Variants in CTNNA3 observed in about 807,000 individuals in gnomAD.
The protein encoded by CTNNA3 is catenin alpha 3.
A neutral mutation model predicts 95.7 loss-of-function variants in CTNNA3; 76 were observed. The observed-to-expected ratio is 0.79, with a 90% CI of 0.66 to 0.96. CTNNA3 has a LOEUF of 0.96. Ranked by LOEUF, CTNNA3 falls within the 40% of genes least tolerant of loss-of-function variation. CTNNA3 has a pLI of 0.00. For synonymous variants in CTNNA3, 431 were observed against 374.4 expected, an observed-to-expected ratio of 1.15 and a Z score of -1.74; for missense variants, 1,191 against 1,089.8, an observed-to-expected ratio of 1.09 and a Z score of -1.31.
intron 5 of CTNNA3, among the ~76,000 whole-genome samples, chr10:67,419,641 G>A (rs1845676539): frequency 1.3e-5 from 2 of 152,074 alleles, no homozygotes; most frequent in South Asian, 2.1e-4. Context: ...GGATGTAAAT[G>A]AATATTAGCA....
chr10:66,790,811 CA>C (rs1311182699), intron 7 of CTNNA3, among the ~76,000 whole-genome samples: 1 of 152,170 alleles, frequency 6.6e-6, no homozygotes, highest in Non-Finnish European at 1.5e-5. Flanking sequence ...AAACCAAACT[CA>C]TGACCTTCCC....
chr10:66,980,117 A>C (rs375327048), intron 7 of CTNNA3, among the ~76,000 whole-genome samples: 2 of 152,296 alleles, frequency 1.3e-5, no homozygotes, highest in African/African-American at 4.8e-5. Context: ...TACTAATCAA[A>C]TTTGTTTCTA....
intron 12 of CTNNA3, among the ~76,000 whole-genome samples, chr10:66,351,641 T>A (rs1347716377): frequency 1.3e-5 from 2 of 152,044 alleles, no homozygotes; most frequent in Non-Finnish European, 2.9e-5. Flanking sequence ...ACATTGTAGA[T>A]ATTTACAAAA....
intron 1 of CTNNA3, among the ~76,000 whole-genome samples, chr10:67,709,091 T>C (rs1442858880): frequency 6.6e-6 from 1 of 152,126 alleles, no homozygotes; most frequent in Admixed American, 6.6e-5. Context: ...AGAATCACTA[T>C]GAATGTGGCA....
intron 7 of CTNNA3, among the ~76,000 whole-genome samples, chr10:66,876,939 A>G (rs190530565): frequency 1.3e-5 from 2 of 152,164 alleles, no homozygotes; most frequent in African/African-American, 4.8e-5. Context: ...AGTTTTGTTT[A>G]TTTTGTTCTT....
intron 10 of CTNNA3, among the ~76,000 whole-genome samples, chr10:66,618,695 C>A (rs1437344954): frequency 1.3e-5 from 2 of 151,996 alleles, no homozygotes; most frequent in Non-Finnish European, 2.9e-5. Flanking sequence ...GCAACAAAAG[C>A]CAAAATTGAC....
chr10:66,432,514 C>T (rs191648051), intron 11 of CTNNA3, among the ~76,000 whole-genome samples: 24 of 151,900 alleles, frequency 1.6e-4, no homozygotes, highest in Non-Finnish European at 2.8e-4. Context: ...AAAAATTAGC[C>T]GGGCGTAGTG....
chr10:66,445,318 A>G lies in CTNNA3; in HGVS notation c.1532-65966T>C, dbSNP rs895126924. Among the ~76,000 whole-genome samples, 3 of 152,240 alleles carry G rather than the reference A, an allele frequency of 2.0e-5. No homozygotes were observed. The East Asian group carries it at 5.8e-4, about 29-fold the overall frequency. ...AATTGAACTCAGCTCTGCACCAAGC[A>G]GACCTAATAGACATCTACAGAACTC... On this transcript the variant is annotated intron_variant, in intron 11 of 17. Coordinates refer to ENST00000433211, the MANE Select transcript of CTNNA3 (RefSeq NM_013266.4).
At chr10:67,204,353 T>C (rs931257269) in intron 6 of CTNNA3, among the ~76,000 whole-genome samples, 2 of 149,828 alleles carry the variant, frequency 1.3e-5, no homozygotes, top group Non-Finnish European at 2.9e-5. Flanking sequence ...ATCTGCTTGT[T>C]TGAAAGTGTA....
At chr10:66,856,076 C>T (rs917518055) in intron 7 of CTNNA3, among the ~76,000 whole-genome samples, 6 of 151,892 alleles carry the variant, frequency 4.0e-5, no homozygotes, top group East Asian at 1.9e-4. Context: ...AAATCCTCAC[C>T]CTCCACCCTA....
chr10:67,327,913 T>G (rs1345546010), intron 5 of CTNNA3, among the ~76,000 whole-genome samples: 1 of 151,938 alleles, frequency 6.6e-6, no homozygotes, highest in African/African-American at 2.4e-5. Flanking sequence ...TCTGGGTGTA[T>G]AGGTCTCTGT....
At chr10:67,622,907 A>C (rs1018777281) in intron 2 of CTNNA3, among the ~76,000 whole-genome samples, 1 of 152,218 alleles carries the variant, frequency 6.6e-6, no homozygotes, top group Non-Finnish European at 1.5e-5. Flanking sequence ...ACATCTTTAT[A>C]CTTATTAAGC....
chr10:67,228,162 G>C (rs1865016761), intron 5 of CTNNA3, among the ~76,000 whole-genome samples: 1 of 151,834 alleles, frequency 6.6e-6, no homozygotes, highest in African/African-American at 2.4e-5. Flanking sequence ...GCAGAAGAAA[G>C]GAAATAACCA....
chr10:67,004,416 G>T (rs1422843409), intron 7 of CTNNA3, among the ~76,000 whole-genome samples: 4 of 152,318 alleles, frequency 2.6e-5, no homozygotes, highest in East Asian at 1.9e-4. Context: ...CTGTTAAAAT[G>T]ATGACACATG....
intron 5 of CTNNA3, among the ~76,000 whole-genome samples, chr10:67,412,097 T>C (rs996351235): frequency 6.6e-6 from 1 of 152,162 alleles, no homozygotes; most frequent in African/African-American, 2.4e-5. Context: ...TTTGTTTAAT[T>C]TGGAAGGGCA....
intron 9 of CTNNA3, among the ~76,000 whole-genome samples, chr10:66,686,476 T>C (rs1847301804): frequency 6.6e-6 from 1 of 152,118 alleles, no homozygotes; most frequent in African/African-American, 2.4e-5. Context: ...AAATATATAT[T>C]TTTTCCCATT....
intron 5 of CTNNA3, among the ~76,000 whole-genome samples, chr10:67,261,928 T>C (rs1272247995): frequency 6.6e-6 from 1 of 152,174 alleles, no homozygotes; most frequent in Non-Finnish European, 1.5e-5. Flanking sequence ...GGATATGTTT[T>C]TTAAAATCAA....
intron 12 of CTNNA3, among the ~76,000 whole-genome samples, chr10:66,360,617 T>TTC (rs1467467356): frequency 4.3e-5 from 1 of 23,242 alleles, no homozygotes; most frequent in Non-Finnish European, 1.1e-4. Context: ...CTTTCTTTCT[T>TTC]TCTTTCTTTC....
At chr10:67,432,523 G>C (rs1846143104) in intron 5 of CTNNA3, among the ~76,000 whole-genome samples, 1 of 151,954 alleles carries the variant, frequency 6.6e-6, no homozygotes, top group South Asian at 2.1e-4. Context: ...GTGGTTCCAG[G>C]TGTTCCCTGG....
Sources: allele counts gnomAD v4.1 joint callset (sites outside exome capture counted in the v4.1 genomes callset), GRCh38; gene constraint gnomAD v4.1.1; transcripts MANE v1.5; gene names NCBI Gene and HGNC (gene_info 2026-07-23, HGNC 2026-07-21).